Variants in LTBP1 observed in about 807,000 individuals in gnomAD.
LTBP1 encodes latent-transforming growth factor beta-binding protein 1.
In LTBP1, 129 loss-of-function variants were observed where a neutral mutation model predicts 207.6. That is an observed-to-expected ratio of 0.62 (90% CI 0.54 to 0.72). LTBP1 has a LOEUF of 0.72. Among genes scored for constraint, LTBP1 ranks in the 30% least tolerant of loss-of-function variants. LTBP1 has a pLI of 0.00. For missense variants in LTBP1, 2,281 were observed against 2,217.2 expected (o/e 1.03, Z -0.58); for synonymous variants, 963 against 833.7 (o/e 1.16, Z -2.67).
chr2:33,386,082 C>T (rs561979492), intron 31 of LTBP1, among the ~76,000 whole-genome samples: 1 of 152,300 alleles, frequency 6.6e-6, no homozygotes, highest in South Asian at 2.1e-4. Context: ...TTGGTCTAGT[C>T]AGAAGACTTC....
chr2:33,362,479 G>A (rs139507529), intron 28 of LTBP1, among the ~76,000 whole-genome samples: 20 of 152,160 alleles, frequency 1.3e-4, no homozygotes, highest in African/African-American at 4.3e-4. Flanking sequence ...TCATATTAAG[G>A]TACAGAGCTT....
chr2:33,361,348 G>T, intron 27 of LTBP1, 81 bp from the exon 28 acceptor site: 1 of 895,244 alleles, frequency 1.1e-6, no homozygotes, highest in Non-Finnish European at 1.7e-6. Flanking sequence ...TACTGAGTCT[G>T]AGAAAGCAAA....
chr2:33,384,737 A>G (rs1363583422), intron 31 of LTBP1, among the ~76,000 whole-genome samples: 1 of 152,206 alleles, frequency 6.6e-6, no homozygotes, highest in South Asian at 2.1e-4. Context: ...GGGATCTGCT[A>G]TTCTTGGGCT....
intron 24 of LTBP1, among the ~76,000 whole-genome samples, chr2:33,330,994 TAA>T (rs2094487255): frequency 6.6e-6 from 1 of 151,922 alleles, no homozygotes; most frequent in Non-Finnish European, 1.5e-5. Context: ...TCAGTTTCAG[TAA>T]GTTTTGTTTT....
At chr2:33,118,284 G>A (rs1410115307) in intron 4 of LTBP1, among the ~76,000 whole-genome samples, 2 of 151,974 alleles carry the variant, frequency 1.3e-5, no homozygotes, top group African/African-American at 4.8e-5. Context: ...GTGGAAGTTG[G>A]ACCAGCCATG....
At chr2:33,216,357 C>T (rs2090703496) in intron 7 of LTBP1, among the ~76,000 whole-genome samples, 1 of 152,062 alleles carries the variant, frequency 6.6e-6, no homozygotes, top group South Asian at 2.1e-4. Flanking sequence ...GAGGGTGTTC[C>T]AGCCAGACAT....
chr2:33,396,309 C>T (rs1057355756), intron 32 of LTBP1, among the ~76,000 whole-genome samples: 1 of 152,092 alleles, frequency 6.6e-6, no homozygotes, highest in Non-Finnish European at 1.5e-5. Flanking sequence ...CATCCTCCAC[C>T]TCTCAGGCTC....
intron 3 of LTBP1, among the ~76,000 whole-genome samples, chr2:33,082,854 C>A (rs770627727): frequency 6.6e-6 from 1 of 152,096 alleles, no homozygotes; most frequent in Non-Finnish European, 1.5e-5. Context: ...GGGATCTTGC[C>A]TTTGCCGGTC....
At chr2:33,173,678 C>G (rs954927285) in intron 5 of LTBP1, among the ~76,000 whole-genome samples, 3 of 151,244 alleles carry the variant, frequency 2.0e-5, no homozygotes, top group African/African-American at 7.3e-5. Flanking sequence ...ATCCTGATAC[C>G]AAAGCCAGGC....
chr2:33,179,462 A>G (rs957651357), intron 5 of LTBP1, among the ~76,000 whole-genome samples: 2 of 152,128 alleles, frequency 1.3e-5, no homozygotes, highest in Admixed American at 1.3e-4. Context: ...TCTTAAAAAA[A>G]AAACCAAAGA....
At chr2:32,959,621 A>ATTTT (rs397972038) in intron 2 of LTBP1, among the ~76,000 whole-genome samples, 2 of 36,666 alleles carry the variant, frequency 5.5e-5, no homozygotes, top group African/African-American at 1.9e-4. Context: ...ATATATATAT[A>ATTTT]TTTTTTTTTT....
intron 3 of LTBP1, among the ~76,000 whole-genome samples, chr2:33,065,064 G>A (rs1348236127): frequency 6.6e-6 from 1 of 152,144 alleles, no homozygotes; most frequent in African/African-American, 2.4e-5. Flanking sequence ...GGTCTAAAAT[G>A]AGGAAATTAT....
intron 31 of LTBP1, among the ~76,000 whole-genome samples, chr2:33,376,416 A>T (rs962876526): frequency 6.6e-6 from 1 of 152,206 alleles, no homozygotes; most frequent in Non-Finnish European, 1.5e-5. Context: ...TCTGTAGCAG[A>T]ATTACTGTGT....
rs769367455 is a variant in LTBP1, at chr2:33,398,383, G to A, written c.5004G>A (p.Glu1668=). Reference sequence around the variant, plus strand: ...TTGCAGATGTAAATGAATGCGATGAGTTGAACAACCGGATGTCTCTCTGCA... The same window carrying A: ...TTGCAGATGTAAATGAATGCGATGAATTGAACAACCGGATGTCTCTCTGCA... ...MTCVDVNECD[E]LNNRMSLCKN... is the part of the protein sequence containing the mutation. The change falls in exon 34 of 34, where the codon GAG becomes GAA. Residue 1668 remains glutamate (E), a synonymous_variant. Transcript: ENST00000404816. 7.9e-5 allele frequency: 128 copies of A among 1,613,922 alleles called. 1 individual carries two copies. The South Asian group carries it at 1.4e-3, about 17-fold the overall frequency.
chr2:33,315,387 A>G (rs1449019632), intron 24 of LTBP1, 118 bp downstream of exon 24: 3 of 1,261,248 alleles, frequency 2.4e-6, no homozygotes, highest in Non-Finnish European at 3.3e-6. Flanking sequence ...GCCTCAAAGC[A>G]TGTATGCATC....
At chr2:33,324,241 A>T (rs1377128325) in intron 24 of LTBP1, among the ~76,000 whole-genome samples, 3 of 151,962 alleles carry the variant, frequency 2.0e-5, no homozygotes, top group African/African-American at 7.3e-5. Flanking sequence ...ACAATCACAT[A>T]ACTTTTGTTA....
chr2:33,012,074 G>T (rs992644190), intron 2 of LTBP1, among the ~76,000 whole-genome samples: 2 of 152,136 alleles, frequency 1.3e-5, no homozygotes, highest in African/African-American at 4.8e-5. Flanking sequence ...TACTTTCCCT[G>T]TGGGGTCTCC....
intron 3 of LTBP1, among the ~76,000 whole-genome samples, chr2:33,026,187 T>C (rs2075404833): frequency 6.6e-6 from 1 of 152,182 alleles, no homozygotes; most frequent in Non-Finnish European, 1.5e-5. Flanking sequence ...AATTGGTCAG[T>C]AGTCAAACGG....
chr2:33,078,947 C>G (rs1467857970), intron 3 of LTBP1, among the ~76,000 whole-genome samples: 1 of 149,154 alleles, frequency 6.7e-6, no homozygotes, highest in Admixed American at 6.8e-5. Flanking sequence ...CAAGCTCCGC[C>G]TCCCTGCTTC....
Sources: gnomAD v4.1 joint callset for allele counts (sites outside exome capture counted in the v4.1 genomes callset) on GRCh38, gnomAD v4.1.1 for gene constraint, MANE v1.5 for transcripts, NCBI Gene and HGNC (gene_info 2026-07-23, HGNC 2026-07-21) for gene names.